SLC25A12: variants seen among roughly 807,000 people sequenced by gnomAD.
SLC25A12 encodes solute carrier family 25 member 12.
Under a neutral mutation model 83.3 loss-of-function variants are expected in SLC25A12, and 32 were observed. The ratio of observed to expected loss-of-function variants is 0.38; its 90% CI spans 0.29 to 0.52. SLC25A12 has a LOEUF of 0.52. Among genes scored for constraint, SLC25A12 ranks in the 20% least tolerant of loss-of-function variants. SLC25A12 has a pLI of 0.84. For missense variants in SLC25A12, 611 were observed against 835.6 expected (o/e 0.73, Z 3.31); for synonymous variants, 267 against 291.1 (o/e 0.92, Z 0.84).
rs78523632 is a variant in SLC25A12 at position 171,785,302 on chromosome 2, G to A, written c.2009C>T (p.Pro670Leu). The change falls in exon 18 of 18, where the codon CCA becomes CTA. Residue 670 changes from proline (P) to leucine (L), a missense_variant. This residue lies in a region of SLC25A12 where 37 missense variants were observed against 35.1 expected (regional missense o/e 1.05). Transcript: ENST00000422440. ...FKSPSVAVVQ[P>L]KAAVAATQ The stretch of plus-strand genomic sequence containing the variant: ...CTGAGTGGCTGCCACTGCTGCCTTT[G>A]GCTGAACCACAGCAACACTAGGAGA... 5 of 1,613,976 alleles carry A rather than the reference G, an allele frequency of 3.1e-6. No homozygotes were observed. The highest frequency in any genetic ancestry group is 4.2e-6 in the Non-Finnish European group (5 of 1,180,026).
intron 10 of SLC25A12, among the ~76,000 whole-genome samples, chr2:171,814,882 C>T (rs1684017691): frequency 1.3e-5 from 2 of 152,190 alleles, no homozygotes; most frequent in South Asian, 4.1e-4. Flanking sequence ...TGCAGCACTG[C>T]ATCCCAGACT....
chr2:171,813,553 A>G (rs946201239), intron 10 of SLC25A12, 56 bp from the exon 11 acceptor site: 22 of 1,544,820 alleles, frequency 1.4e-5, no homozygotes, highest in Admixed American at 3.3e-5. Context: ...TGGAGAGTCC[A>G]TAAGGATGAC....
At chr2:171,819,368 ATAATAT>A (rs1350426729) in intron 9 of SLC25A12, among the ~76,000 whole-genome samples, 12 of 58,912 alleles carry the variant, frequency 2.0e-4, no homozygotes, top group African/African-American at 5.4e-4. Flanking sequence ...TATATTATAT[ATAATAT>A]ATTATATATA....
intron 13 of SLC25A12, among the ~76,000 whole-genome samples, chr2:171,796,469 A>T (rs1321388244): frequency 1.3e-5 from 2 of 152,092 alleles, no homozygotes; most frequent in Admixed American, 1.3e-4. Flanking sequence ...TGTTTGAAGG[A>T]GGAAAACTTC....
intron 2 of SLC25A12, among the ~76,000 whole-genome samples, chr2:171,882,504 T>C (rs1685718856): frequency 6.6e-6 from 1 of 152,234 alleles, no homozygotes; most frequent in Non-Finnish European, 1.5e-5. Context: ...TGTTTGAGAA[T>C]GAAGCTAGCA....
intron 3 of SLC25A12, among the ~76,000 whole-genome samples, chr2:171,857,990 A>G (rs1168782082): frequency 1.3e-5 from 2 of 152,136 alleles, no homozygotes; most frequent in African/African-American, 4.8e-5. Flanking sequence ...GAGTCCTATT[A>G]TACTCAAGGT....
At chr2:171,861,138 A>G (rs1418536955) in intron 3 of SLC25A12, among the ~76,000 whole-genome samples, 1 of 151,154 alleles carries the variant, frequency 6.6e-6, no homozygotes, top group African/African-American at 2.4e-5. Flanking sequence ...AATAATAATA[A>G]TAATATAATC....
intron 13 of SLC25A12, among the ~76,000 whole-genome samples, chr2:171,798,763 G>C (rs1159721620): frequency 1.3e-5 from 2 of 152,196 alleles, no homozygotes; most frequent in African/African-American, 4.8e-5. Context: ...AATGCAATGT[G>C]CTCATTGCTG....
At chr2:171,849,157 T>C (rs1182440620) in intron 4 of SLC25A12, among the ~76,000 whole-genome samples, 2 of 152,242 alleles carry the variant, frequency 1.3e-5, no homozygotes, top group East Asian at 3.9e-4. Context: ...ACCACTGCAC[T>C]CCACCCTGGG....
chr2:171,852,769 C>A, intron 4 of SLC25A12: 1 of 384,720 alleles, frequency 2.6e-6, no homozygotes. Flanking sequence ...TAAGCAGTGC[C>A]TAGAAATCTT....
At chr2:171,828,599 C>A (rs1684362743) in intron 8 of SLC25A12, among the ~76,000 whole-genome samples, 1 of 152,176 alleles carries the variant, frequency 6.6e-6, no homozygotes, top group African/African-American at 2.4e-5. Flanking sequence ...GATTTTTAAA[C>A]ATTCCCTCTC....
intron 15 of SLC25A12, among the ~76,000 whole-genome samples, chr2:171,789,242 T>C (rs971586813): frequency 6.6e-6 from 1 of 152,122 alleles, no homozygotes; most frequent in Admixed American, 6.5e-5. Context: ...GACTCTCTTT[T>C]TTTTTTGAGA....
chr2:171,836,960 GCACACACACA>G (rs3836020), intron 6 of SLC25A12, among the ~76,000 whole-genome samples, 151 bp downstream of exon 6: 2 of 146,476 alleles, frequency 1.4e-5, no homozygotes, highest in African/African-American at 5.0e-5. Context: ...ACACACACAT[GCACACACACA>G]CACACACACA....
intron 9 of SLC25A12, among the ~76,000 whole-genome samples, chr2:171,821,184 T>C (rs1484305313): frequency 6.6e-6 from 1 of 151,740 alleles, no homozygotes; most frequent in African/African-American, 2.4e-5. Context: ...TGTGCACCAC[T>C]ATGCCTGGCT....
intron 9 of SLC25A12, 93 bp downstream of exon 9, chr2:171,826,705 T>A (rs1684306521): frequency 1.0e-5 from 8 of 783,230 alleles, no homozygotes; most frequent in African/African-American, 1.7e-5. Context: ...AAGTAATTTT[T>A]AATTTTTACA....
intron 13 of SLC25A12, among the ~76,000 whole-genome samples, chr2:171,809,106 G>A (rs1683899863): frequency 6.6e-6 from 1 of 152,168 alleles, no homozygotes; most frequent in South Asian, 2.1e-4. Context: ...GTCTGTCACT[G>A]ATGGGCATTT....
At chr2:171,842,502 G>C (rs942996453) in intron 5 of SLC25A12, among the ~76,000 whole-genome samples, 2 of 152,126 alleles carry the variant, frequency 1.3e-5, no homozygotes, top group African/African-American at 4.8e-5. Flanking sequence ...GCTGAGGCAG[G>C]AGAATCGCTT....
intron 8 of SLC25A12, among the ~76,000 whole-genome samples, chr2:171,829,492 C>T (rs1032459044): frequency 5.3e-5 from 8 of 152,078 alleles, no homozygotes; most frequent in Non-Finnish European, 8.8e-5. Context: ...GAGGCTCAAA[C>T]CCAAGAGCTA....
In SLC25A12 at chr2:171,813,409, T is replaced by A. The variant is rs780586906; in HGVS notation, c.1101A>T (p.Leu367=). The A allele has an allele frequency of 6.2e-7, 1 of 1,614,050 alleles. No homozygotes were observed. The highest frequency in any genetic ancestry group is 2.2e-5 in the East Asian group (1 of 44,876). Residue 367 remains leucine (L), a synonymous_variant, in exon 11 of 18, where the codon CTA becomes CTT. Coordinates refer to ENST00000422440, the MANE Select transcript of SLC25A12 (RefSeq NM_003705.5). ...QRGSGSVVGE[L]MYKNSFDCFK... ...AACAGTCAAAGCTGTTTTTGTACAT[T>A]AGCTCCCCAACAACAGAGCCAGAGC...
Sources: gnomAD v4.1 joint callset for allele counts (sites outside exome capture counted in the v4.1 genomes callset) on GRCh38, gnomAD v4.1.1 for gene constraint, gnomAD v4.1.1 regional missense constraint, MANE v1.5 for transcripts, NCBI Gene and HGNC (gene_info 2026-07-23, HGNC 2026-07-21) for gene names.